The following PCBP3 variants were observed in gnomAD, a reference collection of about 807,000 sequenced individuals.
PCBP3 encodes poly(rC) binding protein 3.
A neutral mutation model predicts 52.7 loss-of-function variants in PCBP3; 25 were observed. The observed-to-expected ratio is 0.47, with a 90% confidence interval of 0.35 to 0.66. The LOEUF is 0.66. PCBP3 is among the 30% of genes least tolerant of loss of function. The pLI is 0.01. For missense variants in PCBP3, 391 were observed against 490.3 expected, an observed-to-expected ratio of 0.80 and a Z score of 1.91; for synonymous variants, 162 against 183.0, an observed-to-expected ratio of 0.89 and a Z score of 0.93.
Position 45,668,431 on chromosome 21 carries a change from A to G in PCBP3, c.-278-443A>G, listed in dbSNP as rs187690732. Among the ~76,000 whole-genome samples, 944 of 152,234 alleles carry G rather than the reference A, an allele frequency of 6.2e-3. 8 individuals are homozygous for G. Among genetic ancestry groups the G allele is most frequent in the Non-Finnish European group, 6.5e-3 (441 of 68,010 alleles). ...CAAATAAATGTAACCTGGCAAGTGG[A>G]ACCTGTTAGCCATAACAAATAATAA... On this transcript the variant is annotated intron_variant, in intron 1 of 17. Coordinates refer to ENST00000681687, the MANE Select transcript of PCBP3 (RefSeq NM_001384156.1).
intron 5 of PCBP3, among the ~76,000 whole-genome samples, chr21:45,888,209 G>A (rs1234999129): frequency 6.6e-6 from 1 of 152,214 alleles, no homozygotes; most frequent in African/African-American, 2.4e-5. Flanking sequence ...AGTGTCACCT[G>A]TTTCTGTTAC....
intron 2 of PCBP3, among the ~76,000 whole-genome samples, chr21:45,703,833 A>G (rs1167373948): frequency 6.6e-6 from 1 of 152,134 alleles, no homozygotes; most frequent in South Asian, 2.1e-4. Context: ...TGTGACATGA[A>G]AAGGAGAGGC....
intron 15 of PCBP3, among the ~76,000 whole-genome samples, chr21:45,931,528 G>A (rs2076168239): frequency 6.6e-6 from 1 of 152,264 alleles, no homozygotes; most frequent in African/African-American, 2.4e-5. Context: ...GAATGCTGCG[G>A]CCAGGAGACT....
intron 13 of PCBP3, among the ~76,000 whole-genome samples, chr21:45,927,507 T>C (rs1233835337): frequency 6.7e-6 from 1 of 150,050 alleles, no homozygotes; most frequent in Non-Finnish European, 1.5e-5. Context: ...CTTTAAAAAA[T>C]GTGGAAATTG....
At chr21:45,794,542 A>G (rs937088557) in intron 4 of PCBP3, among the ~76,000 whole-genome samples, 2 of 152,250 alleles carry the variant, frequency 1.3e-5, no homozygotes, top group Non-Finnish European at 2.9e-5. Context: ...AGAATGGAAA[A>G]CATTTGAAAT....
At chr21:45,896,741 G>T (rs185302683) in intron 6 of PCBP3, among the ~76,000 whole-genome samples, 1 of 149,236 alleles carries the variant, frequency 6.7e-6, no homozygotes, top group Admixed American at 6.7e-5. Flanking sequence ...CATTGTCTCT[G>T]TAGGAAAGGC....
intron 5 of PCBP3, among the ~76,000 whole-genome samples, chr21:45,864,345 T>G (rs1338617518): frequency 6.6e-6 from 1 of 152,190 alleles, no homozygotes; most frequent in Non-Finnish European, 1.5e-5. Context: ...CTTTTGCAGC[T>G]TGGTGCTTAA....
At chr21:45,665,263 A>G (rs1331835401) in intron 1 of PCBP3, among the ~76,000 whole-genome samples, 1 of 151,934 alleles carries the variant, frequency 6.6e-6, no homozygotes, top group Non-Finnish European at 1.5e-5. Context: ...AAAAAATTAG[A>G]CAGGCATGGT....
chr21:45,842,764 A>T (rs186236426), intron 4 of PCBP3, among the ~76,000 whole-genome samples: 41 of 152,214 alleles, frequency 2.7e-4, no homozygotes, highest in African/African-American at 9.9e-4. Flanking sequence ...GATCCTGGGG[A>T]CACCACCGGT....
At chr21:45,705,132 C>G (rs2297293) in intron 2 of PCBP3, among the ~76,000 whole-genome samples, 110,650 of 152,180 alleles carry the variant, frequency 0.73, 41,352 homozygotes, top group African/African-American at 0.89. Flanking sequence ...TGTGCAGCAT[C>G]GTGTGGATGC....
chr21:45,929,969 T>C lies in PCBP3; in HGVS notation c.770T>C (p.Leu257Pro). The change falls in exon 14 of 18, where the codon CTC becomes CCC. Residue 257 changes from leucine (L) to proline (P), a missense_variant. Physicochemically the swap from Leu to Pro is moderately conservative, Grantham distance 98. Coordinates refer to ENST00000681687, the MANE Select transcript of PCBP3 (RefSeq NM_001384156.1). ...ATGCAGCAAACCCCCTTTCCTCCCCTCGGACAGACCAACCCCGCTTTCCCC... is the reference window on the plus strand; with the variant it reads ...ATGCAGCAAACCCCCTTTCCTCCCCCCGGACAGACCAACCCCGCTTTCCCC... The part of the protein sequence containing the change: ...LAMQQTPFPP[L>P]GQTNPAFPGE... The C allele has an allele frequency of 6.2e-7, 1 of 1,613,624 alleles. No homozygotes were observed. Among genetic ancestry groups the C allele is most frequent in the Non-Finnish European group, 8.5e-7 (1 of 1,179,782 alleles).
At chr21:45,688,050 A>G (rs1387262320) in intron 2 of PCBP3, among the ~76,000 whole-genome samples, 2 of 152,214 alleles carry the variant, frequency 1.3e-5, no homozygotes, top group African/African-American at 4.8e-5. Flanking sequence ...TCATAGTGAT[A>G]AAATATCAGT....
chr21:45,878,294 G>T (rs1379950060), intron 5 of PCBP3, among the ~76,000 whole-genome samples: 4 of 152,260 alleles, frequency 2.6e-5, no homozygotes, highest in African/African-American at 9.6e-5. Context: ...GGGGTGGGGG[G>T]GTCCTCCCGG....
At chr21:45,889,798 G>A (rs1409747099) in intron 5 of PCBP3, among the ~76,000 whole-genome samples, 1 of 152,250 alleles carries the variant, frequency 6.6e-6, no homozygotes, top group East Asian at 1.9e-4. Context: ...GGCATCCAGG[G>A]AACAGCTTTC....
At chr21:45,729,295 A>G (rs2085285538) in intron 2 of PCBP3, among the ~76,000 whole-genome samples, 1 of 152,172 alleles carries the variant, frequency 6.6e-6, no homozygotes. Flanking sequence ...AGATGTGTTT[A>G]TCCATTCATT....
intron 9 of PCBP3, among the ~76,000 whole-genome samples, chr21:45,902,724 G>A (rs1160036209): frequency 6.6e-6 from 1 of 152,256 alleles, no homozygotes; most frequent in African/African-American, 2.4e-5. Context: ...TCCTTAGGGT[G>A]CTGGGCAGCC....
At position 45,917,949 on chromosome 21, in the gene PCBP3, A is replaced by G; in HGVS notation, c.717+320A>G. On this transcript the variant is annotated intron_variant, in intron 13 of 17. Transcript: ENST00000681687. This position sits in a 1 kb window ranked among gnomAD's most constrained non-coding sequence, Gnocchi z 5.3. ...CGTGCAGGGCAGTGAGGATGTGCTCACCCGCCACAGGCAGGCGTCAGTGAT... is the reference window on the plus strand; with the variant it reads ...CGTGCAGGGCAGTGAGGATGTGCTCGCCCGCCACAGGCAGGCGTCAGTGAT... 2.9e-6 allele frequency: 1 copy of G among 346,188 alleles called. No individual in the cohort carries two copies. The highest frequency in any genetic ancestry group is 5.4e-6 in the Non-Finnish European group (1 of 184,328). 21.4% of individuals were successfully genotyped at this position (346,188 alleles called of 1,614,324 possible).
In PCBP3 at chr21:45,776,551, G is replaced by A. The variant is rs781118754; in HGVS notation, c.-126+21099G>A. ...GCTTTATGAATCTTGATGCTCTGGT[G>A]TTGGGTATATATATATATATTTAGA... is the stretch of plus-strand genomic sequence containing the variant. On this transcript the variant is annotated intron_variant, in intron 4 of 17. Coordinates refer to ENST00000681687, the MANE Select transcript of PCBP3 (RefSeq NM_001384156.1). Among the ~76,000 whole-genome samples, 3 of 150,784 alleles carry A rather than the reference G, an allele frequency of 2.0e-5. No individual in the cohort carries two copies. The East Asian group carries it at 5.8e-4, about 29-fold the overall frequency.
intron 4 of PCBP3, chr21:45,762,136 G>A (rs2088737980): frequency 6.6e-6 from 1 of 152,230 alleles, no homozygotes; most frequent in Admixed American, 6.5e-5. Context: ...AGAATTCAGG[G>A]GTACCTTTCG....
Sources: gnomAD v4.1 joint callset for allele counts (sites outside exome capture counted in the v4.1 genomes callset) on GRCh38, gnomAD v4.1.1 for gene constraint, Gnocchi (gnomAD v3.1) non-coding constraint, MANE v1.5 for transcripts, NCBI Gene and HGNC (gene_info 2026-07-23, HGNC 2026-07-21) for gene names.